The following COL5A2 variants were observed in gnomAD, a reference collection of about 807,000 sequenced individuals.
COL5A2 encodes the protein collagen type V alpha 2 chain.
A neutral mutation model predicts 208.2 loss-of-function variants in COL5A2; 23 were observed. The observed-to-expected ratio is 0.11, with a 90% confidence interval of 0.08 to 0.16. The LOEUF is 0.16. Ranked by LOEUF, COL5A2 falls within the 10% of genes least tolerant of loss-of-function variation. The pLI is 1.00. For synonymous variants in COL5A2, 625 were observed against 628.5 expected (o/e 0.99, Z 0.08); for missense variants, 1,590 against 1,956.4 (o/e 0.81, Z 3.53).
chr2:189,131,261 C>T (rs989671954), intron 1 of COL5A2, among the ~76,000 whole-genome samples: 4 of 151,994 alleles, frequency 2.6e-5, no homozygotes, highest in Admixed American at 6.6e-5. Flanking sequence ...CTTGGGTTAC[C>T]GGAAATAACT....
At chr2:189,272,962 C>A in the COL5A2 span, among the ~76,000 whole-genome samples, 1 of 152,166 alleles carries the variant, frequency 6.6e-6, no homozygotes, top group African/African-American at 2.4e-5. Flanking sequence ...AGGAAATGAC[C>A]GGGTGGTTCT....
chr2:189,211,927 C>T (rs540526322), intron 1 of COL5A2, among the ~76,000 whole-genome samples: 120 of 152,264 alleles, frequency 7.9e-4, no homozygotes, highest in African/African-American at 2.8e-3. Context: ...ATTTGAGAAG[C>T]TGTGCAAAAG....
At chr2:189,140,064 C>G (rs1305179336) in intron 1 of COL5A2, among the ~76,000 whole-genome samples, 1 of 151,654 alleles carries the variant, frequency 6.6e-6, no homozygotes, top group African/African-American at 2.4e-5. Flanking sequence ...CACAGAGAGA[C>G]TCTATCTCAA....
At chr2:189,091,308 G>T (rs555633260) in intron 7 of COL5A2, among the ~76,000 whole-genome samples, 1 of 152,296 alleles carries the variant, frequency 6.6e-6, no homozygotes, top group African/African-American at 2.4e-5. Context: ...AATGAGCAAA[G>T]AAAGTCGTTT....
At chr2:189,224,765 T>C (rs1014441025) in intron 1 of COL5A2, among the ~76,000 whole-genome samples, 1 of 152,172 alleles carries the variant, frequency 6.6e-6, no homozygotes, top group Admixed American at 6.5e-5. Context: ...AAGCATGACA[T>C]AAGTTTTTCA....
the COL5A2 span, among the ~76,000 whole-genome samples, chr2:189,423,904 A>C: frequency 1.3e-5 from 2 of 152,074 alleles, no homozygotes; most frequent in Non-Finnish European, 2.9e-5. Context: ...GGAAAAAAAA[A>C]AGCTACAGGC....
At chr2:189,104,840 T>C (rs969211905) in intron 2 of COL5A2, among the ~76,000 whole-genome samples, 2 of 151,842 alleles carry the variant, frequency 1.3e-5, no homozygotes, top group Non-Finnish European at 2.9e-5. Flanking sequence ...ATACTGTTCT[T>C]CACTTGTCTG....
the COL5A2 span, among the ~76,000 whole-genome samples, chr2:189,351,627 T>C: frequency 1.3e-5 from 2 of 152,138 alleles, no homozygotes; most frequent in Non-Finnish European, 2.9e-5. Flanking sequence ...TTTGCTGCTA[T>C]GTGCAAGTAT....
rs761893211 is a variant in COL5A2 at position 189,032,230 on chromosome 2, A to G, written c.*1840T>C. ...TACACTTTGAGACATATGTTTTATT[A>G]TTACAGTTTATTCAGTCATGAAAAA... On this transcript the variant is annotated 3_prime_UTR_variant, in exon 54 of 54. Transcript: ENST00000374866. 1 of 152,156 alleles carries G rather than the reference A, an allele frequency of 6.6e-6. No individual in the cohort carries two copies. Among genetic ancestry groups the G allele is most frequent in the Non-Finnish European group, 1.5e-5 (1 of 68,002 alleles). 9.4% of individuals were successfully genotyped at this position (152,156 alleles called of 1,614,324 possible). A position where few individuals can be genotyped will look rare whatever the true frequency, so the allele number is the denominator to read the frequency against.
At chr2:189,075,485 C>T (rs1336068103) in intron 16 of COL5A2, 48 bp from the exon 17 acceptor site, 1 of 1,452,368 alleles carries the variant, frequency 6.9e-7, no homozygotes, top group East Asian at 2.3e-5. Flanking sequence ...ACATTTTAGA[C>T]TATATTTTCT....
the COL5A2 span, among the ~76,000 whole-genome samples, chr2:189,395,498 T>C: frequency 0.14 from 21,579 of 152,192 alleles, 1,953 homozygotes; most frequent in South Asian, 0.21. Context: ...CAGATGAAAC[T>C]TGAAATTTTG....
In COL5A2 at chr2:189,031,959, T is replaced by C. The variant is rs955437345; in HGVS notation, c.*2111A>G. The C allele has an allele frequency of 3.3e-5, 5 of 152,124 alleles. No individual in the cohort carries two copies. The highest frequency in any genetic ancestry group is 7.4e-5 in the Non-Finnish European group (5 of 68,010). 9.4% of individuals were successfully genotyped at this position (152,124 alleles called of 1,614,324 possible). A position where few individuals can be genotyped will look rare whatever the true frequency, so the allele number is the denominator to read the frequency against. The stretch of plus-strand genomic sequence containing the variant: ...ATCCAAATAAGAACTGTTATTTCTA[T>C]AGTTGGAAATTGTTAGTGTTTGTGA... On this transcript the variant is annotated 3_prime_UTR_variant, in exon 54 of 54. Transcript: ENST00000374866.
the COL5A2 span, among the ~76,000 whole-genome samples, chr2:189,413,581 C>T: frequency 7.2e-5 from 11 of 152,004 alleles, 1 homozygote; most frequent in East Asian, 1.9e-4. Flanking sequence ...AAGAAATTTA[C>T]GCTCATTAGA....
chr2:189,304,546 G>A, the COL5A2 span, among the ~76,000 whole-genome samples: 5 of 152,094 alleles, frequency 3.3e-5, no homozygotes, highest in Non-Finnish European at 7.4e-5. Context: ...TGGCAGGAGC[G>A]GAAGCCAGAG....
At chr2:189,166,959 GTC>G (rs1177977317) in intron 1 of COL5A2, among the ~76,000 whole-genome samples, 1 of 152,102 alleles carries the variant, frequency 6.6e-6, no homozygotes, top group Non-Finnish European at 1.5e-5. Context: ...GGAAGGAAAA[GTC>G]TGAAATTTGA....
chr2:189,389,238 T>C, the COL5A2 span, among the ~76,000 whole-genome samples: 1 of 152,156 alleles, frequency 6.6e-6, no homozygotes, highest in African/African-American at 2.4e-5. Flanking sequence ...TATGTGACAG[T>C]AGACAATAAG....
chr2:189,033,148 G>A lies in COL5A2; in HGVS notation c.*922C>T, dbSNP rs1298282160. ...TTCTAGATCTTTTTCTTCATTATAG[G>A]CTTCAGGATGATGAGATTGTACATG... is the stretch of plus-strand genomic sequence containing the variant. On this transcript the variant is annotated 3_prime_UTR_variant, in exon 54 of 54. Coordinates refer to ENST00000374866, the MANE Select transcript of COL5A2 (RefSeq NM_000393.5). 1 of 152,486 alleles carries A rather than the reference G, an allele frequency of 6.6e-6. No homozygotes were observed. Among genetic ancestry groups the A allele is most frequent in the East Asian group, 1.9e-4 (1 of 5,182 alleles). 9.4% of individuals were successfully genotyped at this position (152,486 alleles called of 1,614,324 possible). A position where few individuals can be genotyped will look rare whatever the true frequency, so the allele number is the denominator to read the frequency against.
the COL5A2 span, among the ~76,000 whole-genome samples, chr2:189,362,435 C>T: frequency 1.3e-5 from 2 of 152,064 alleles, no homozygotes; most frequent in African/African-American, 4.8e-5. Flanking sequence ...TTCTGTCAGC[C>T]CAGTACACTA....
chr2:189,277,715 T>TTATAGATC, the COL5A2 span, among the ~76,000 whole-genome samples: 3 of 151,928 alleles, frequency 2.0e-5, no homozygotes, highest in Non-Finnish European at 2.9e-5. Flanking sequence ...ATACAGATAC[T>TTATAGATC]CATAGATCCA....
Sources: gnomAD v4.1 joint callset for allele counts (sites outside exome capture counted in the v4.1 genomes callset) on GRCh38, gnomAD v4.1.1 for gene constraint, MANE v1.5 for transcripts, NCBI Gene and HGNC (gene_info 2026-07-23, HGNC 2026-07-21) for gene names.